Variants in RET observed in about 807,000 individuals in gnomAD.
RET encodes the protein proto-oncogene tyrosine-protein kinase receptor Ret.
RET carries 19 observed loss-of-function variants against 118.3 expected under a neutral mutation model. The observed-to-expected ratio is 0.16, with a 90% CI of 0.11 to 0.24. The LOEUF (loss-of-function observed/expected upper bound fraction) is 0.24. Among genes scored for constraint, RET ranks in the 10% least tolerant of loss-of-function variants. The pLI is 1.00. For missense variants in RET, 1,219 were observed against 1,502.1 expected (o/e 0.81, Z 3.12); for synonymous variants, 597 against 644.1 (o/e 0.93, Z 1.11).
At chr10:43,117,927 A>G (rs1214104890) in intron 12 of RET, among the ~76,000 whole-genome samples, 9 of 152,110 alleles carry the variant, frequency 5.9e-5, no homozygotes, top group Admixed American at 5.9e-4. Flanking sequence ...CTCAGACAGG[A>G]GCGGGAAATG....
chr10:43,094,452 G>T (rs1837478997), intron 1 of RET, among the ~76,000 whole-genome samples: 1 of 152,200 alleles, frequency 6.6e-6, no homozygotes, highest in Non-Finnish European at 1.5e-5. Flanking sequence ...TCATATCGTT[G>T]TTATTGTTTT....
Position 43,114,783 on chromosome 10 carries a change from G to C in RET, c.2136+47G>C, listed in dbSNP as rs2132856878. ...GGAAGATCCCCTGCCCTCCCCAGCT[G>C]CCTTCCAGGGAGGGAGGCCAGCTGG... On this transcript the variant is annotated intron_variant, in intron 11 of 19. Transcript: ENST00000355710. The surrounding 1 kb of genome is among the most constrained non-coding windows in gnomAD (Gnocchi z 4.6). 1 of 1,560,054 alleles carries C rather than the reference G, an allele frequency of 6.4e-7. No individual in the cohort carries two copies. Among genetic ancestry groups the C allele is most frequent in the Non-Finnish European group, 8.6e-7 (1 of 1,157,476 alleles).
intron 7 of RET, 59 bp downstream of exon 7, chr10:43,111,524 C>T (rs2132779771): frequency 2.6e-6 from 4 of 1,559,132 alleles, no homozygotes; most frequent in East Asian, 4.6e-5. Flanking sequence ...GAGCCTGGGC[C>T]TCCTGCCCTT....
At chr10:43,100,807 C>T in intron 2 of RET, 85 bp downstream of exon 2, 4 of 1,405,778 alleles carry the variant, frequency 2.8e-6, no homozygotes, top group Non-Finnish European at 3.9e-6. Context: ...GACACTGAAG[C>T]TTGGCATGGC....
intron 12 of RET, among the ~76,000 whole-genome samples, chr10:43,117,461 T>G (rs1838099194): frequency 6.6e-6 from 1 of 152,214 alleles, no homozygotes; most frequent in Non-Finnish European, 1.5e-5. Flanking sequence ...CCACACCTGG[T>G]CCAAGGGGTC....
At chr10:43,086,293 A>G (rs2132556042) in intron 1 of RET, among the ~76,000 whole-genome samples, 1 of 152,384 alleles carries the variant, frequency 6.6e-6, no homozygotes, top group East Asian at 1.9e-4. Flanking sequence ...AGACCTGCTC[A>G]TGAGGAGCAC....
chr10:43,121,990 T>A lies in RET; in HGVS notation c.2775T>A (p.Asp925Glu), dbSNP rs2132985922. The A allele has an allele frequency of 6.2e-7, 1 of 1,613,726 alleles. No individual in the cohort carries two copies. The highest frequency in any genetic ancestry group is 8.5e-7 in the Non-Finnish European group (1 of 1,179,770). The change falls in exon 16 of 20, where the codon GAT becomes GAA. Residue 925 changes from aspartate (D) to glutamate (E), a missense_variant. Physicochemically the swap from Asp to Glu is conservative, Grantham distance 45. Coordinates refer to ENST00000355710, the MANE Select transcript of RET (RefSeq NM_020975.6). Reference protein sequence around the residue: ...VKWMAIESLFDHIYTTQSDVW... With the variant: ...VKWMAIESLFEHIYTTQSDVW... ...GGATGGCAATTGAATCCCTTTTTGATCATATCTACACCACGCAAAGTGATG... is the reference window on the plus strand; with the variant it reads ...GGATGGCAATTGAATCCCTTTTTGAACATATCTACACCACGCAAAGTGATG...
At chr10:43,097,702 A>G (rs780573366) in intron 1 of RET, among the ~76,000 whole-genome samples, 1 of 152,174 alleles carries the variant, frequency 6.6e-6, no homozygotes, top group Non-Finnish European at 1.5e-5. Context: ...GCACTTCAAG[A>G]GAAGCTTTCT....
At chr10:43,107,197 A>C (rs1226067376) in intron 5 of RET, among the ~76,000 whole-genome samples, 1 of 152,122 alleles carries the variant, frequency 6.6e-6, no homozygotes, top group Non-Finnish European at 1.5e-5. Flanking sequence ...ACCCCAGGCC[A>C]TGAGTCCTTC....
chr10:43,126,463 T>C, intron 18 of RET, 112 bp from the exon 19 acceptor site: 1 of 964,084 alleles, frequency 1.0e-6, no homozygotes, highest in Non-Finnish European at 1.7e-6. Context: ...AGGAGATTGG[T>C]GCGAGGTGGA....
chr10:43,117,866 G>T (rs954862698), intron 12 of RET, among the ~76,000 whole-genome samples: 70 of 152,218 alleles, frequency 4.6e-4, no homozygotes, highest in Admixed American at 3.9e-3. Context: ...TGACGTGTGT[G>T]TGACGGATAC....
intron 1 of RET, among the ~76,000 whole-genome samples, chr10:43,088,482 G>A (rs1010001171): frequency 4.6e-5 from 7 of 152,114 alleles, no homozygotes; most frequent in Non-Finnish European, 1.0e-4. Flanking sequence ...TGGTAGTGGT[G>A]AGGCAGTGGC....
At chr10:43,086,206 G>A (rs1837285064) in intron 1 of RET, among the ~76,000 whole-genome samples, 1 of 152,214 alleles carries the variant, frequency 6.6e-6, no homozygotes, top group Non-Finnish European at 1.5e-5. Flanking sequence ...CCTCCTGTGT[G>A]AGATGGGAAT....
chr10:43,112,959 C>T lies in RET; in HGVS notation c.1755C>T (p.Cys585=), dbSNP rs755369964. The change falls in exon 9 of 20, where the codon TGC becomes TGT. Residue 585 remains cysteine (C), a synonymous_variant. Transcript: ENST00000355710. ...TQDINICPQD[C]LRGSIVGGHE... ...ACATCAACATTTGCCCTCAGGACTG[C>T]CTCCGTAAGCAGGGTTTAATCAGGG... 1.2e-6 allele frequency: 2 copies of T among 1,613,162 alleles called. No homozygotes were observed. The highest frequency in any genetic ancestry group is 2.2e-5 in the South Asian group (2 of 91,056).
intron 15 of RET, 55 bp from the exon 16 acceptor site, chr10:43,121,891 C>T (rs1838225860): frequency 7.2e-7 from 1 of 1,398,172 alleles, no homozygotes; most frequent in Admixed American, 1.7e-5. Flanking sequence ...TCCTTTACCC[C>T]TCCTTCCTAG....
Position 43,130,148 on chromosome 10 carries a change from T to C in RET, c.*1879T>C, listed in dbSNP as rs1019488309. On this transcript the variant is annotated 3_prime_UTR_variant, in exon 20 of 20. Transcript: ENST00000355710. Reference sequence around the variant, plus strand: ...CCTGAGTTATAAAAGTCCCCATCCTTATTAGCTCTACTGGAATTTTCATAC... The same window carrying C: ...CCTGAGTTATAAAAGTCCCCATCCTCATTAGCTCTACTGGAATTTTCATAC... 1 of 397,392 alleles carries C rather than the reference T, an allele frequency of 2.5e-6. No homozygotes were observed. Among genetic ancestry groups the C allele is most frequent in the African/African-American group, 2.1e-5 (1 of 48,618 alleles). The allele number at this position is 397,392 out of a possible 1,614,324, so 24.6% of individuals were successfully genotyped here.
rs985444096 is a variant in RET at position 43,109,271 on chromosome 10, G to T, written c.1263+41G>T. On this transcript the variant is annotated intron_variant, in intron 6 of 19. Coordinates refer to ENST00000355710, the MANE Select transcript of RET (RefSeq NM_020975.6). ...TTGCCTGTCTGGGGAAGATTGAAAG[G>T]CCAAGGGACATGGGGGCACAGGGAG... 35 of 1,594,864 alleles carry T rather than the reference G, an allele frequency of 2.2e-5. No homozygotes were observed. In the Middle Eastern group the frequency reaches 8.6e-4, roughly 39 times the overall value.
Position 43,106,626 on chromosome 10 carries a change from CT to C in RET, c.1063+56del. ...AGGCCCCCAGGAAATGAGGTGCTCG[CT>C]CTTCATGGGCAAGCAGCACCCTACA... is the stretch of plus-strand genomic sequence containing the variant. On this transcript the variant is annotated intron_variant, in intron 5 of 19. Transcript: ENST00000355710. The surrounding 1 kb of genome is among the most constrained non-coding windows in gnomAD (Gnocchi z 5.1). 6.4e-7 allele frequency: 1 copy of C among 1,569,632 alleles called. No homozygotes were observed. Among genetic ancestry groups the C allele is most frequent in the Non-Finnish European group, 8.7e-7 (1 of 1,149,394 alleles).
At position 43,128,697 on chromosome 10, in the gene RET, C is replaced by A. The variant is rs1030113616; in HGVS notation, c.*428C>A. 17 of 377,340 alleles carry A rather than the reference C, an allele frequency of 4.5e-5. No homozygotes were observed. Among genetic ancestry groups the A allele is most frequent in the African/African-American group, 3.5e-4 (17 of 49,004 alleles). The allele number at this position is 377,340 out of a possible 1,614,324, so 23.4% of individuals were successfully genotyped here. A position where few individuals can be genotyped will look rare whatever the true frequency, so the allele number is the denominator to read the frequency against. On this transcript the variant is annotated 3_prime_UTR_variant, in exon 20 of 20. Transcript: ENST00000355710. ...AAAATTTAAACATGAAGCACACACACAAAAAAGGCAGTAGGAAAAATGCTG... is the reference window on the plus strand; with the variant it reads ...AAAATTTAAACATGAAGCACACACAAAAAAAAGGCAGTAGGAAAAATGCTG...
Sources: allele counts gnomAD v4.1 joint callset (sites outside exome capture counted in the v4.1 genomes callset), GRCh38; gene constraint gnomAD v4.1.1; non-coding constraint Gnocchi (gnomAD v3.1); transcripts MANE v1.5; gene names NCBI Gene and HGNC (gene_info 2026-07-23, HGNC 2026-07-21).